Variants in UHRF1 observed in about 807,000 individuals in gnomAD.
UHRF1 encodes the protein E3 ubiquitin-protein ligase UHRF1.
A neutral mutation model predicts 96.5 loss-of-function variants in UHRF1; 9 were observed. The ratio of observed to expected loss-of-function variants is 0.09; its 90% CI spans 0.06 to 0.16. UHRF1 has a LOEUF of 0.16. UHRF1 is among the 10% of genes least tolerant of loss of function. The pLI, the probability that UHRF1 is intolerant of heterozygous loss-of-function variation, is 1.00. For synonymous variants in UHRF1, 455 were observed against 469.9 expected (o/e 0.97, Z 0.41); for missense variants, 626 against 1,131.1 (o/e 0.55, Z 6.40).
intron 2 of UHRF1, among the ~76,000 whole-genome samples, chr19:4,924,440 C>T (rs1257494871): frequency 3.3e-5 from 5 of 152,050 alleles, no homozygotes; most frequent in African/African-American, 9.7e-5. Flanking sequence ...TGAGCCACCG[C>T]ACCCGGCCAA....
intron 2 of UHRF1, among the ~76,000 whole-genome samples, chr19:4,917,813 A>G (rs761712607): frequency 2.6e-5 from 4 of 151,876 alleles, no homozygotes; most frequent in Non-Finnish European, 4.4e-5. Flanking sequence ...GCCTGCCACC[A>G]CACCCAATAT....
At chr19:4,943,500 C>CA (rs1555752737) in intron 7 of UHRF1, among the ~76,000 whole-genome samples, 1 of 140,118 alleles carries the variant, frequency 7.1e-6, no homozygotes, top group Admixed American at 7.1e-5. Flanking sequence ...GCCCTGCCCC[C>CA]CCTCCCCACA....
chr19:4,956,632 T>C (rs1054743680), intron 15 of UHRF1, 77 bp from the exon 16 acceptor site: 2 of 883,746 alleles, frequency 2.3e-6, no homozygotes, highest in African/African-American at 3.3e-5. Flanking sequence ...CCCAGGTACA[T>C]GCTCAGCAGG....
At chr19:4,943,499 C>G (rs949262102) in intron 7 of UHRF1, among the ~76,000 whole-genome samples, 26 of 139,736 alleles carry the variant, frequency 1.9e-4, no homozygotes, top group African/African-American at 7.6e-4. Context: ...TGCCCTGCCC[C>G]CCCTCCCCAC....
chr19:4,941,455 G>A (rs1241408583), intron 5 of UHRF1, 73 bp from the exon 6 acceptor site: 2 of 1,179,312 alleles, frequency 1.7e-6, no homozygotes, highest in Non-Finnish European at 2.5e-6. Flanking sequence ...GAGAACCCGT[G>A]GTGTTCAAGT....
In UHRF1 at chr19:4,909,587, G is replaced by T. The variant is rs2032166175; in HGVS notation, c.-79G>T. The T allele has an allele frequency of 4.6e-6, 3 of 652,864 alleles. No individual in the cohort carries two copies. Among genetic ancestry groups the T allele is most frequent in the African/African-American group, 1.9e-5 (1 of 52,610 alleles). The allele number at this position is 652,864 out of a possible 1,614,324, so 40.4% of individuals were successfully genotyped here. A position where few individuals can be genotyped will look rare whatever the true frequency, so the allele number is the denominator to read the frequency against. ...TCCGCGCGGGGTCCGGGCCACGCAC[G>T]CGGTTTCATCGCCATCCCCAGCCGG... On this transcript the variant is annotated 5_prime_UTR_variant, in exon 1 of 17. Coordinates refer to ENST00000650932, the MANE Select transcript of UHRF1 (RefSeq NM_001048201.3).
At chr19:4,951,125 G>A (rs988142222) in intron 13 of UHRF1, 129 bp downstream of exon 13, 162 of 1,285,702 alleles carry the variant, frequency 1.3e-4, no homozygotes, top group Non-Finnish European at 1.7e-4. Context: ...AATTAGCTGG[G>A]TATGGTGGCG....
Position 4,954,613 on chromosome 19 carries a change from C to T in UHRF1, c.1958-37C>T. On this transcript the variant is annotated intron_variant, in intron 14 of 16. Transcript: ENST00000650932. The surrounding 1 kb of genome is among the most constrained non-coding windows in gnomAD (Gnocchi z 5.9). Reference sequence around the variant, plus strand: ...TGGCTGTCTCTCCGGCAGCTCGGGCCACGCGCCCCTCCCTCACGCGCCCCA... The same window carrying T: ...TGGCTGTCTCTCCGGCAGCTCGGGCTACGCGCCCCTCCCTCACGCGCCCCA... 1 of 1,604,840 alleles carries T rather than the reference C, an allele frequency of 6.2e-7. No individual in the cohort carries two copies. Among genetic ancestry groups the T allele is most frequent in the South Asian group, 1.1e-5 (1 of 90,148 alleles).
In UHRF1 at chr19:4,932,939, C is replaced by T. The variant is rs376389042; in HGVS notation, c.768C>T (p.Tyr256=). ...AGACCAGGACGGCGCGGGAACTCTA[C>T]GCCAACGTGGTGCTGGGGTGAGCCT... ...KRETRTAREL[Y]ANVVLGDDSL... The change falls in exon 5 of 17, where the codon TAC becomes TAT. Residue 256 remains tyrosine (Y), a synonymous_variant. Coordinates refer to ENST00000650932, the MANE Select transcript of UHRF1 (RefSeq NM_001048201.3). 3.5e-5 allele frequency: 56 copies of T among 1,612,218 alleles called. No homozygotes were observed. Among genetic ancestry groups the T allele is most frequent in the South Asian group, 1.1e-4 (10 of 90,940 alleles).
chr19:4,930,678 A>G lies in UHRF1; in HGVS notation c.409-38A>G. On this transcript the variant is annotated intron_variant, in intron 3 of 16. Coordinates refer to ENST00000650932, the MANE Select transcript of UHRF1 (RefSeq NM_001048201.3). The surrounding 1 kb of genome is among the most constrained non-coding windows in gnomAD (Gnocchi z 4.4). The stretch of plus-strand genomic sequence containing the variant: ...AGGTGGTCTCCCGTCAGTTTTCCTC[A>G]CCCCGTTGGGATGCCAGACTTCCCT... The G allele has an allele frequency of 6.2e-7, 1 of 1,600,872 alleles. No homozygotes were observed. Among genetic ancestry groups the G allele is most frequent in the Non-Finnish European group, 8.5e-7 (1 of 1,172,328 alleles).
chr19:4,943,495 G>GCCCCCCCCCC lies in UHRF1; in HGVS notation c.1074-630_1074-629insCCCCCCCCCC, dbSNP rs368362097. On this transcript the variant is annotated intron_variant, in intron 7 of 16. Coordinates refer to ENST00000650932, the MANE Select transcript of UHRF1 (RefSeq NM_001048201.3). ...CAGAAGTGGGTGTTGTTGTTGCCCT[G>GCCCCCCCCCC]CCCCCCCTCCCCACATCGTAGAGAT... Among the ~76,000 whole-genome samples the GCCCCCCCCCC allele has an allele frequency of 4.5e-5, 6 of 133,262 alleles. 1 individual carries two copies. The highest frequency in any genetic ancestry group is 1.2e-4 in the African/African-American group (4 of 33,614). 87.4% of individuals were successfully genotyped at this position (133,262 alleles called of 152,430 possible).
intron 2 of UHRF1, among the ~76,000 whole-genome samples, chr19:4,919,024 A>ATT (rs144245403): frequency 1.3e-4 from 15 of 119,380 alleles, no homozygotes; most frequent in South Asian, 8.0e-4. Flanking sequence ...TCCTGACCTC[A>ATT]TTTTTTTTTT....
rs367697700 is a variant in UHRF1 at position 4,943,244 on chromosome 19, CA to C, written c.1074-879del. Among the ~76,000 whole-genome samples the C allele has an allele frequency of 4.4e-4, 66 of 148,456 alleles. No homozygotes were observed. In the East Asian group the frequency reaches 6.2e-3, roughly 14 times the overall value. ...ACAGAGTGAGACTAAGTCTCAAAAA[CA>C]AAAAAAAAGGGGGGGTGGTGAGGAA... On this transcript the variant is annotated intron_variant, in intron 7 of 16. Transcript: ENST00000650932.
intron 9 of UHRF1, among the ~76,000 whole-genome samples, chr19:4,945,390 C>G (rs2033531969): frequency 6.6e-6 from 1 of 152,154 alleles, no homozygotes; most frequent in African/African-American, 2.4e-5. Context: ...TCCCCAATAG[C>G]TGGGATCACA....
Position 4,929,248 on chromosome 19 carries a change from C to T in UHRF1, c.180C>T (p.Asp60=), listed in dbSNP as rs749845980. 1.5e-5 allele frequency: 25 copies of T among 1,613,790 alleles called. No homozygotes were observed. The South Asian group carries it at 2.5e-4, about 16-fold the overall frequency. The change falls in exon 3 of 17, where the codon GAC becomes GAT. Residue 60 remains aspartate, a synonymous_variant. Coordinates refer to ENST00000650932, the MANE Select transcript of UHRF1 (RefSeq NM_001048201.3). Reference sequence around the variant, plus strand: ...TGGAGGACGGCCATACCCTCTTCGACTACGAGGTCCGCCTGAATGACACCA... The same window carrying T: ...TGGAGGACGGCCATACCCTCTTCGATTACGAGGTCCGCCTGAATGACACCA... ...KQMEDGHTLF[D]YEVRLNDTIQ...
chr19:4,932,591 T>C (rs2033087196), intron 4 of UHRF1, 150 bp from the exon 5 acceptor site: 3 of 771,618 alleles, frequency 3.9e-6, no homozygotes. Context: ...TGCCTTAATA[T>C]ACCTGTGTGT....
At chr19:4,947,000 C>T (rs2033585347) in intron 10 of UHRF1, 105 bp from the exon 11 acceptor site, 4 of 855,040 alleles carry the variant, frequency 4.7e-6, no homozygotes, top group Non-Finnish European at 5.6e-6. Flanking sequence ...TTGTTATTTT[C>T]TGTTTCTTTG....
At chr19:4,914,989 G>C (rs1035307308) in intron 2 of UHRF1, among the ~76,000 whole-genome samples, 9 of 152,220 alleles carry the variant, frequency 5.9e-5, no homozygotes, top group African/African-American at 1.7e-4. Flanking sequence ...GGACCGTCCT[G>C]GGCACTGCAG....
chr19:4,907,291 A>T (rs1404460487), upstream of UHRF1, among the ~76,000 whole-genome samples: 2 of 151,464 alleles, frequency 1.3e-5, no homozygotes, highest in Non-Finnish European at 2.9e-5. Flanking sequence ...TTTTTTTGAG[A>T]CACAGTCTCG....
Sources: allele counts gnomAD v4.1 joint callset (sites outside exome capture counted in the v4.1 genomes callset), GRCh38; gene constraint gnomAD v4.1.1; non-coding constraint Gnocchi (gnomAD v3.1); transcripts MANE v1.5; gene names NCBI Gene and HGNC (gene_info 2026-07-23, HGNC 2026-07-21).